The following TMEM131 variants were observed in gnomAD, a reference collection of about 807,000 sequenced individuals.
TMEM131 encodes 2610524E03Rik.
TMEM131 carries 66 observed loss-of-function variants against 211.6 expected under a neutral mutation model. The observed-to-expected ratio is 0.31, with a 90% CI of 0.26 to 0.38. The LOEUF (loss-of-function observed/expected upper bound fraction) is 0.38, where lower values mean the gene tolerates loss of function less well. Ranked by LOEUF, TMEM131 falls within the 10% of genes least tolerant of loss-of-function variation. The pLI, the probability that TMEM131 is intolerant of heterozygous loss-of-function variation, is 1.00. For synonymous variants in TMEM131, 844 were observed against 841.3 expected (o/e 1.00, Z -0.06); for missense variants, 2,036 against 2,299.3 (o/e 0.89, Z 2.34).
intron 4 of TMEM131, among the ~76,000 whole-genome samples, chr2:97,867,606 G>A (rs1573481769): frequency 2.0e-5 from 3 of 152,190 alleles, no homozygotes; most frequent in South Asian, 2.1e-4. Context: ...CTAGTGAGGT[G>A]AGCAAGATTG....
chr2:97,946,118 GTAATA>G (rs1317616560), intron 1 of TMEM131, among the ~76,000 whole-genome samples: 1 of 151,964 alleles, frequency 6.6e-6, no homozygotes, highest in Non-Finnish European at 1.5e-5. Context: ...ATTACATCTT[GTAATA>G]TAATATTTAT....
rs185103458 is a variant in TMEM131, at chr2:97,811,199, T to C, written c.1897A>G (p.Arg633Gly). The C allele has an allele frequency of 1.8e-4, 288 of 1,613,750 alleles. No individual in the cohort carries two copies. The African/African-American group carries it at 3.5e-3, about 20-fold the overall frequency. The change falls in exon 18 of 41, where the codon AGA (arginine) becomes GGA (glycine). Residue 633 changes from arginine (R) to glycine (G), a missense_variant. By Grantham distance (125) the Arg-to-Gly change is moderately radical. Transcript: ENST00000186436. ...AATTTTTTTGCAGTAAGTTTGACTC[T>C]GAAGACTGCAAAATAGCCTGAAGCT... ...TLASGYFAVF[R>G]VKLTAKKLEG...
chr2:97,801,792 C>T (rs2104924150), intron 25 of TMEM131, 103 bp downstream of exon 25: 1 of 791,220 alleles, frequency 1.3e-6, no homozygotes, highest in Middle Eastern at 3.9e-4. Flanking sequence ...CAGTAACTTA[C>T]CCTTCAGCCA....
At chr2:97,976,216 A>G (rs1679526933) in intron 1 of TMEM131, among the ~76,000 whole-genome samples, 1 of 152,162 alleles carries the variant, frequency 6.6e-6, no homozygotes, top group Non-Finnish European at 1.5e-5. Context: ...CAATCAGGTA[A>G]GCAAAACAGA....
Position 97,856,057 on chromosome 2 carries a change from TTTAA to T in TMEM131, c.483+3243_483+3246del, listed in dbSNP as rs1360149403. ...TCCTAATCTTCAGTTTGTCTGAAAA[TTTAA>T]TTAATCAAAAGCTTCTAGTCAATAA... On this transcript the variant is annotated intron_variant, in intron 5 of 40. Coordinates refer to ENST00000186436, the MANE Select transcript of TMEM131 (RefSeq NM_015348.2). Among the ~76,000 whole-genome samples, 17 of 152,300 alleles carry T rather than the reference TTTAA, an allele frequency of 1.1e-4. No homozygotes were observed. In the East Asian group the frequency reaches 2.3e-3, roughly 21 times the overall value.
At chr2:97,759,119 G>A in intron 39 of TMEM131, 66 bp from the exon 40 acceptor site, 1 of 1,590,012 alleles carries the variant, frequency 6.3e-7, no homozygotes, top group Admixed American at 1.7e-5. Flanking sequence ...AGCATATGGG[G>A]CTTCACTCAA....
intron 31 of TMEM131, among the ~76,000 whole-genome samples, chr2:97,785,087 C>T (rs1346263808): frequency 6.6e-6 from 1 of 152,110 alleles, no homozygotes; most frequent in African/African-American, 2.4e-5. Context: ...ATGATGTGAA[C>T]AGCCCTGTAA....
At chr2:97,907,487 G>A (rs1047390658) in intron 3 of TMEM131, among the ~76,000 whole-genome samples, 7 of 152,092 alleles carry the variant, frequency 4.6e-5, no homozygotes, top group Non-Finnish European at 1.0e-4. Flanking sequence ...CTAGTCTGGA[G>A]ACATTCATAG....
At chr2:97,956,362 T>C (rs1425390268) in intron 1 of TMEM131, among the ~76,000 whole-genome samples, 3 of 152,322 alleles carry the variant, frequency 2.0e-5, no homozygotes, top group East Asian at 3.9e-4. Context: ...AAATGTGAAA[T>C]AGTTACAATG....
At chr2:97,758,195 A>G (rs1678609013) in intron 40 of TMEM131, among the ~76,000 whole-genome samples, 2 of 152,236 alleles carry the variant, frequency 1.3e-5, no homozygotes, top group African/African-American at 2.4e-5. Context: ...GTTTTAAAAC[A>G]TAAGGCTGAA....
Position 97,796,918 on chromosome 2 carries a change from G to A in TMEM131, c.2939C>T (p.Ala980Val). 1 of 1,613,928 alleles carries A rather than the reference G, an allele frequency of 6.2e-7. No individual in the cohort carries two copies. The change falls in exon 27 of 41, where the codon GCA becomes GTA. Residue 980 changes from alanine (A) to valine (V), a missense_variant. Around this residue, in one of 3 missense-constraint regions of TMEM131, gnomAD observed 1,623 missense variants for 1,805.9 expected, o/e 0.90. Coordinates refer to ENST00000186436, the MANE Select transcript of TMEM131 (RefSeq NM_015348.2). ...GCTTCCTGGACCTGGAAGCTTGCCT[G>A]CCACCCTCAAGTTCTCAGTTGTTCC... Reference protein sequence around the residue: ...GQGTTENLRVAGKLPGPGSSL... With the variant: ...GQGTTENLRVVGKLPGPGSSL...
At chr2:97,922,102 T>C (rs997232381) in intron 2 of TMEM131, among the ~76,000 whole-genome samples, 1 of 152,218 alleles carries the variant, frequency 6.6e-6, no homozygotes, top group Non-Finnish European at 1.5e-5. Context: ...GGTTTCAGAA[T>C]AATACTGTTC....
At chr2:97,931,704 G>T (rs1211971484) in intron 1 of TMEM131, among the ~76,000 whole-genome samples, 1 of 152,162 alleles carries the variant, frequency 6.6e-6, no homozygotes, top group African/African-American at 2.4e-5. Flanking sequence ...GAGAAGGCTG[G>T]ACTAGTCAAA....
Position 97,759,636 on chromosome 2 carries a change from A to T in TMEM131, c.5206+16T>A. The T allele has an allele frequency of 1.9e-6, 3 of 1,587,600 alleles. No individual in the cohort carries two copies. Among genetic ancestry groups the T allele is most frequent in the South Asian group, 1.1e-5 (1 of 89,530 alleles). On this transcript the variant is annotated intron_variant, in intron 39 of 40. Coordinates refer to ENST00000186436, the MANE Select transcript of TMEM131 (RefSeq NM_015348.2). Reference sequence around the variant, plus strand: ...CCACAGGCTTATTAGTTACACATCTAGTGTTAAACACTCACCACCAGTTAG... The same window carrying T: ...CCACAGGCTTATTAGTTACACATCTTGTGTTAAACACTCACCACCAGTTAG...
At chr2:97,939,784 GC>G (rs1419439218) in intron 1 of TMEM131, among the ~76,000 whole-genome samples, 2 of 152,136 alleles carry the variant, frequency 1.3e-5, no homozygotes, top group African/African-American at 4.8e-5. Context: ...TAAAATACTG[GC>G]AAACTGAATC....
intron 4 of TMEM131, among the ~76,000 whole-genome samples, chr2:97,870,179 T>A (rs552917281): frequency 6.6e-6 from 1 of 152,274 alleles, no homozygotes; most frequent in African/African-American, 2.4e-5. Context: ...GGTCAATTGA[T>A]TTGGGGCCTT....
chr2:97,991,665 T>C (rs1460560686), intron 1 of TMEM131, among the ~76,000 whole-genome samples: 2 of 151,776 alleles, frequency 1.3e-5, no homozygotes, highest in East Asian at 1.9e-4. Flanking sequence ...ACCGAAACAA[T>C]GCCAGATGCT....
chr2:97,932,387 C>T (rs1015958447), intron 1 of TMEM131, among the ~76,000 whole-genome samples: 1 of 152,056 alleles, frequency 6.6e-6, no homozygotes, highest in African/African-American at 2.4e-5. Context: ...TGTCTTCTTG[C>T]CACATTAGAA....
rs554919839 is a variant in TMEM131 at position 97,808,727 on chromosome 2, T to C, written c.2055+961A>G. 3.3e-5 allele frequency among the ~76,000 whole-genome samples: 5 copies of C among 152,276 alleles called. No homozygotes were observed. In the East Asian group the frequency reaches 5.8e-4, roughly 18 times the overall value. Reference sequence around the variant, plus strand: ...GACTCTCACTGGGGAGGCCAACTTATAAGGAAATATTTATAGCACAATACG... The same window carrying C: ...GACTCTCACTGGGGAGGCCAACTTACAAGGAAATATTTATAGCACAATACG... On this transcript the variant is annotated intron_variant, in intron 19 of 40. Transcript: ENST00000186436.
Sources: allele counts gnomAD v4.1 joint callset (sites outside exome capture counted in the v4.1 genomes callset), GRCh38; gene constraint gnomAD v4.1.1; regional missense constraint gnomAD v4.1.1; transcripts MANE v1.5; gene names NCBI Gene and HGNC (gene_info 2026-07-23, HGNC 2026-07-21).